Variants in KCNMA1 observed in about 807,000 individuals in gnomAD.
KCNMA1 encodes potassium calcium-activated channel subfamily M alpha 1.
KCNMA1 carries 29 observed loss-of-function variants against 140.0 expected under a neutral mutation model. That is an observed-to-expected ratio of 0.21 (90% confidence interval 0.15 to 0.28). The LOEUF (loss-of-function observed/expected upper bound fraction) is 0.28. KCNMA1 is among the 10% of genes least tolerant of loss of function. The pLI, the probability that KCNMA1 is intolerant of heterozygous loss-of-function variation, is 1.00. For synonymous variants in KCNMA1, 612 were observed against 611.9 expected, an observed-to-expected ratio of 1.00 and a Z score of 0.00; for missense variants, 880 against 1,602.2, an observed-to-expected ratio of 0.55 and a Z score of 7.70.
chr10:77,456,077 A>C (rs1301613429), intron 1 of KCNMA1, among the ~76,000 whole-genome samples: 2 of 152,226 alleles, frequency 1.3e-5, no homozygotes, highest in Non-Finnish European at 2.9e-5. Flanking sequence ...GCTGACAAGG[A>C]AGCATGGCTA....
chr10:77,603,847 T>C (rs536119558), intron 1 of KCNMA1, among the ~76,000 whole-genome samples: 3 of 152,334 alleles, frequency 2.0e-5, no homozygotes, highest in East Asian at 3.9e-4. Flanking sequence ...TTGGGCTGCC[T>C]GATTCAAATC....
chr10:77,179,393 G>A (rs1460379860), intron 5 of KCNMA1, among the ~76,000 whole-genome samples: 1 of 152,098 alleles, frequency 6.6e-6, no homozygotes, highest in Non-Finnish European at 1.5e-5. Flanking sequence ...ACTAGGACTC[G>A]GGAGACACCA....
intron 1 of KCNMA1, chr10:77,636,429 C>T (rs771689829): frequency 3.3e-6 from 5 of 1,536,056 alleles, no homozygotes; most frequent in South Asian, 1.2e-5. Context: ...CCAGGGAAGA[C>T]GCTCCGCGTA....
At chr10:77,609,624 T>C (rs1006240354) in intron 1 of KCNMA1, among the ~76,000 whole-genome samples, 4 of 152,288 alleles carry the variant, frequency 2.6e-5, no homozygotes, top group Non-Finnish European at 1.5e-5. Flanking sequence ...TATGAGATAA[T>C]GCATACGATA....
intron 1 of KCNMA1, among the ~76,000 whole-genome samples, chr10:77,534,923 C>G (rs1166228115): frequency 6.6e-6 from 1 of 152,130 alleles, no homozygotes; most frequent in Non-Finnish European, 1.5e-5. Flanking sequence ...CCCTGTACCT[C>G]CAACTTATAC....
chr10:77,359,961 A>T (rs565054585), intron 2 of KCNMA1, among the ~76,000 whole-genome samples: 26 of 152,334 alleles, frequency 1.7e-4, no homozygotes, highest in African/African-American at 6.3e-4. Flanking sequence ...AAAGATGTAT[A>T]AAAAAAGAAC....
At chr10:77,382,612 C>T (rs1293071406) in intron 2 of KCNMA1, among the ~76,000 whole-genome samples, 1 of 151,948 alleles carries the variant, frequency 6.6e-6, no homozygotes, top group Admixed American at 6.6e-5. Flanking sequence ...TACCTGTAAT[C>T]CCAGCACTTT....
At chr10:76,908,218 C>G (rs183254866) in intron 25 of KCNMA1, among the ~76,000 whole-genome samples, 101 of 152,314 alleles carry the variant, frequency 6.6e-4, no homozygotes, top group African/African-American at 2.4e-3. Context: ...CTTGAGGCTT[C>G]TATCATTCCT....
intron 5 of KCNMA1, among the ~76,000 whole-genome samples, chr10:77,141,554 CATGCTGGA>C (rs1434460933): frequency 6.6e-6 from 1 of 152,184 alleles, no homozygotes; most frequent in Non-Finnish European, 1.5e-5. Flanking sequence ...AGAACCTGAC[CATGCTGGA>C]ATGCTGATCT....
chr10:77,426,008 C>T (rs145977530), intron 1 of KCNMA1, among the ~76,000 whole-genome samples: 29 of 152,298 alleles, frequency 1.9e-4, no homozygotes, highest in African/African-American at 4.8e-4. Context: ...GGGACTGTGT[C>T]GTCTGATTCA....
At chr10:77,087,277 G>T (rs1317687766) in intron 10 of KCNMA1, among the ~76,000 whole-genome samples, 1 of 152,116 alleles carries the variant, frequency 6.6e-6, no homozygotes, top group Non-Finnish European at 1.5e-5. Flanking sequence ...GGACTTCCCA[G>T]CCTCTGTAAT....
intron 1 of KCNMA1, among the ~76,000 whole-genome samples, chr10:77,526,734 T>C (rs2055841068): frequency 6.6e-6 from 1 of 152,208 alleles, no homozygotes; most frequent in Non-Finnish European, 1.5e-5. Flanking sequence ...CATTTTTTTC[T>C]ACCTGTGAAT....
At chr10:76,976,462 CA>C (rs1295107888) in intron 19 of KCNMA1, among the ~76,000 whole-genome samples, 1 of 152,168 alleles carries the variant, frequency 6.6e-6, no homozygotes, top group Non-Finnish European at 1.5e-5. Flanking sequence ...AATATATGAA[CA>C]GAATCCACAT....
intron 1 of KCNMA1, among the ~76,000 whole-genome samples, chr10:77,605,689 G>A (rs374958972): frequency 1.3e-5 from 2 of 152,308 alleles, no homozygotes; most frequent in African/African-American, 4.8e-5. Flanking sequence ...GTGACAGGGC[G>A]CCATCTCCTG....
intron 5 of KCNMA1, among the ~76,000 whole-genome samples, chr10:77,152,474 A>G (rs560628957): frequency 1.1e-4 from 17 of 152,222 alleles, no homozygotes; most frequent in African/African-American, 3.6e-4. Context: ...AAGCATCCAT[A>G]AAGAGTTTGT....
intron 3 of KCNMA1, among the ~76,000 whole-genome samples, chr10:77,239,526 G>A (rs1295498593): frequency 6.6e-6 from 1 of 152,212 alleles, no homozygotes; most frequent in African/African-American, 2.4e-5. Context: ...AGGTCCTGGA[G>A]CCCTACCTAC....
chr10:77,273,009 T>C (rs2065602503), intron 2 of KCNMA1, among the ~76,000 whole-genome samples: 1 of 152,224 alleles, frequency 6.6e-6, no homozygotes. Context: ...CTTAAAAAGC[T>C]TCCTTTATCA....
At chr10:77,567,474 G>A (rs2068784104) in intron 1 of KCNMA1, among the ~76,000 whole-genome samples, 1 of 152,216 alleles carries the variant, frequency 6.6e-6, no homozygotes, top group South Asian at 2.1e-4. Flanking sequence ...ACTACCGGCA[G>A]TTATGAACAC....
chr10:77,376,184 C>T (rs1434109271), intron 2 of KCNMA1, among the ~76,000 whole-genome samples: 2 of 152,178 alleles, frequency 1.3e-5, no homozygotes, highest in East Asian at 3.9e-4. Flanking sequence ...TACTGTGGTG[C>T]TATGACCACC....
Sources: gnomAD v4.1 joint callset for allele counts (sites outside exome capture counted in the v4.1 genomes callset) on GRCh38, gnomAD v4.1.1 for gene constraint, MANE v1.5 for transcripts, NCBI Gene and HGNC (gene_info 2026-07-23, HGNC 2026-07-21) for gene names.